Variants in TAF2 observed in about 807,000 individuals in gnomAD.
TAF2 encodes the protein TATA-box binding protein associated factor 2.
A neutral mutation model predicts 138.5 loss-of-function variants in TAF2; 61 were observed. The ratio of observed to expected loss-of-function variants is 0.44; its 90% confidence interval spans 0.36 to 0.54. The LOEUF (loss-of-function observed/expected upper bound fraction) is 0.54. Among genes scored for constraint, TAF2 ranks in the 20% least tolerant of loss-of-function variants. TAF2 has a pLI of 0.00. For missense variants in TAF2, 1,090 were observed against 1,427.9 expected (o/e 0.76, Z 3.81); for synonymous variants, 475 against 469.9 (o/e 1.01, Z -0.14).
intron 18 of TAF2, among the ~76,000 whole-genome samples, chr8:119,774,478 AT>A (rs11341544): frequency 0.71 from 107,131 of 150,656 alleles, 38,218 homozygotes; most frequent in Middle Eastern, 0.85. Context: ...AAATATTGTG[AT>A]TTTTTTTTGC....
At chr8:119,793,670 T>G (rs1823603376) in intron 9 of TAF2, among the ~76,000 whole-genome samples, 1 of 152,222 alleles carries the variant, frequency 6.6e-6, no homozygotes, top group Non-Finnish European at 1.5e-5. Context: ...CTCTACTTTA[T>G]GACTTCAGGG....
chr8:119,796,942 A>G, intron 8 of TAF2, 48 bp downstream of exon 8: 1 of 1,364,954 alleles, frequency 7.3e-7, no homozygotes, highest in Non-Finnish European at 1.0e-6. Flanking sequence ...AGAAAAGAAA[A>G]ATAAACTTGA....
At chr8:119,733,110 C>G (rs1041608873) in intron 25 of TAF2, among the ~76,000 whole-genome samples, 7 of 152,082 alleles carry the variant, frequency 4.6e-5, no homozygotes, top group African/African-American at 1.7e-4. Context: ...AGGGAGGGAT[C>G]TTGGAACTAA....
chr8:119,733,780 G>GC (rs112007210), intron 25 of TAF2, among the ~76,000 whole-genome samples: 21,426 of 148,998 alleles, frequency 0.14, 1,895 homozygotes, highest in Non-Finnish European at 0.2. Context: ...TCTTAAATCC[G>GC]CCCCCCCCCA....
intron 6 of TAF2, among the ~76,000 whole-genome samples, chr8:119,799,408 T>G (rs943819315): frequency 2.0e-5 from 3 of 152,074 alleles, no homozygotes; most frequent in African/African-American, 2.4e-5. Flanking sequence ...CATGTGGTGT[T>G]TGGTTTTTTG....
intron 3 of TAF2, among the ~76,000 whole-genome samples, chr8:119,811,783 G>A (rs1825076458): frequency 7.2e-6 from 1 of 138,894 alleles, no homozygotes; most frequent in African/African-American, 2.8e-5. Flanking sequence ...TCCAGCTTGG[G>A]CGAAAGAGTG....
chr8:119,752,952 C>T (rs1453445424), intron 22 of TAF2, among the ~76,000 whole-genome samples: 1 of 152,150 alleles, frequency 6.6e-6, no homozygotes, highest in East Asian at 1.9e-4. Flanking sequence ...AAATGAGGAG[C>T]AGGCAGGGTT....
At chr8:119,745,168 A>G in intron 23 of TAF2, 1 of 350,312 alleles carries the variant, frequency 2.9e-6, no homozygotes, top group South Asian at 2.3e-5. Flanking sequence ...CAATGGGCTT[A>G]AAATAAATGT....
Position 119,791,382 on chromosome 8 carries a change from T to G in TAF2, c.1355A>C (p.Lys452Thr). 3 of 1,613,830 alleles carry G rather than the reference T, an allele frequency of 1.9e-6. No homozygotes were observed. Among genetic ancestry groups the G allele is most frequent in the Non-Finnish European group, 2.5e-6 (3 of 1,179,876 alleles). ...AATCAATCTCATCACAAGGTGGGCT[T>G]TACACTGAAACATACTGTAGTATTC... ...SWEYYSMFQC[K>T]AHLVMRLIEN... Residue 452 changes from lysine to threonine, a missense_variant, in exon 11 of 26, where the codon AAA (lysine) becomes ACA (threonine). Physicochemically the swap from Lys to Thr is moderately conservative, Grantham distance 78. Around this residue, in one of 3 missense-constraint regions of TAF2, gnomAD observed 504 missense variants for 680.9 expected, o/e 0.74. Transcript: ENST00000378164.
intron 21 of TAF2, among the ~76,000 whole-genome samples, chr8:119,757,073 A>G (rs183640112): frequency 1.0e-3 from 152 of 152,336 alleles, no homozygotes; most frequent in African/African-American, 3.4e-3. Flanking sequence ...AACTGACAGT[A>G]GTAAGACATT....
chr8:119,773,652 T>C (rs1467298422), intron 18 of TAF2, among the ~76,000 whole-genome samples: 2 of 151,512 alleles, frequency 1.3e-5, no homozygotes, highest in African/African-American at 4.8e-5. Flanking sequence ...ATAATGATCT[T>C]GAAACCTCTC....
chr8:119,827,322 GAAC>G (rs1386771363), intron 2 of TAF2, among the ~76,000 whole-genome samples: 1 of 152,110 alleles, frequency 6.6e-6, no homozygotes. Context: ...CACCCTTAAT[GAAC>G]AACTGTATAT....
rs1322265146 is a variant in TAF2 at position 119,804,078 on chromosome 8, AAGAC to A, written c.419-63_419-60del. The A allele has an allele frequency of 3.8e-6, 6 of 1,577,236 alleles. No individual in the cohort carries two copies. The East Asian group carries it at 1.3e-4, about 35-fold the overall frequency. On this transcript the variant is annotated intron_variant, in intron 4 of 25. Transcript: ENST00000378164. ...ATAAGTTACAGTGGTCTATATAATA[AAGAC>A]AAAGATTTAATGCTGAACATGAAAT...
rs1488255425 is a variant in TAF2, at chr8:119,732,108, G to A, written c.3416C>T (p.Thr1139Ile). 1.2e-6 allele frequency: 2 copies of A among 1,614,114 alleles called. No individual in the cohort carries two copies. Among genetic ancestry groups the A allele is most frequent in the East Asian group, 2.2e-5 (1 of 44,880 alleles). The change falls in exon 26 of 26, where the codon ACA (threonine) becomes ATA (isoleucine). Residue 1139 changes from threonine to isoleucine, a missense_variant. By Grantham distance (89) the Thr-to-Ile change is moderately conservative. Transcript: ENST00000378164. ...ATGGTGGTCACTGTGTTTGGAGGCTGTAGATTCCTTAGTAAAGACTGAGAG... is the reference window on the plus strand; with the variant it reads ...ATGGTGGTCACTGTGTTTGGAGGCTATAGATTCCTTAGTAAAGACTGAGAG... Reference protein sequence around the residue: ...APLSVFTKESTASKHSDHHHH... With the variant: ...APLSVFTKESIASKHSDHHHH...
rs1823764489 is a variant in TAF2 at position 119,795,547 on chromosome 8, G to A, written c.1176C>T (p.Arg392=). The A allele has an allele frequency of 2.5e-6, 4 of 1,613,452 alleles. No individual in the cohort carries two copies. The highest frequency in any genetic ancestry group is 1.3e-5 in the African/African-American group (1 of 74,992). ...MKKTFGVNEY[R]HWIKEELDKI... is the part of the protein sequence containing the mutation. ...CTGTTATTACCTCTTTAATCCAATG[G>A]CGGTACTCATTAACACCAAAAGTTT... is the stretch of plus-strand genomic sequence containing the variant. The change falls in exon 9 of 26, where the codon CGC becomes CGT. Residue 392 remains arginine (R), a synonymous_variant. Transcript: ENST00000378164.
chr8:119,791,159 C>T (rs1339393251), intron 11 of TAF2, among the ~76,000 whole-genome samples, 165 bp downstream of exon 11: 1 of 152,112 alleles, frequency 6.6e-6, no homozygotes, highest in Non-Finnish European at 1.5e-5. Flanking sequence ...GGTATTGATA[C>T]CCATTCTACA....
At position 119,791,628 on chromosome 8, in the gene TAF2, GA is replaced by G. The variant is rs1823437151; in HGVS notation, c.1278-170del. The G allele has an allele frequency of 6.0e-5, 43 of 718,782 alleles. 1 individual carries two copies. The South Asian group carries it at 8.2e-4, about 14-fold the overall frequency. 44.5% of individuals were successfully genotyped at this position (718,782 alleles called of 1,614,324 possible). A position where few individuals can be genotyped will look rare whatever the true frequency, so the allele number is the denominator to read the frequency against. On this transcript the variant is annotated intron_variant, in intron 10 of 25. Coordinates refer to ENST00000378164, the MANE Select transcript of TAF2 (RefSeq NM_003184.4). ...ATAAACTTAACTAGAAGAAAATTAT[GA>G]AGTTTTACTTAAGGACATAAAGGAA...
At chr8:119,767,538 A>G (rs1821518057) in intron 18 of TAF2, among the ~76,000 whole-genome samples, 1 of 152,184 alleles carries the variant, frequency 6.6e-6, no homozygotes, top group South Asian at 2.1e-4. Flanking sequence ...AGTCTAATAC[A>G]GTGAGCTGCC....
intron 5 of TAF2, among the ~76,000 whole-genome samples, chr8:119,803,169 T>C (rs1384639910): frequency 2.0e-5 from 3 of 151,954 alleles, no homozygotes; most frequent in Non-Finnish European, 4.4e-5. Context: ...GGAAGTAGAG[T>C]ATGAAAGCAG....
Sources: gnomAD v4.1 joint callset for allele counts (sites outside exome capture counted in the v4.1 genomes callset) on GRCh38, gnomAD v4.1.1 for gene constraint, gnomAD v4.1.1 regional missense constraint, MANE v1.5 for transcripts, NCBI Gene and HGNC (gene_info 2026-07-23, HGNC 2026-07-21) for gene names.